The following UBXN2A variants were observed in gnomAD, a reference collection of about 807,000 sequenced individuals.
The protein encoded by UBXN2A is UBX domain-containing protein 2A.
In UBXN2A, 28 loss-of-function variants were observed where a neutral mutation model predicts 28.4. The observed-to-expected ratio is 0.99, with a 90% CI of 0.73 to 1.35. The LOEUF (loss-of-function observed/expected upper bound fraction) is 1.35, where lower values mean the gene tolerates loss of function less well. UBXN2A is among the 40% of genes most tolerant of loss of function. UBXN2A has a pLI of 0.00. For missense variants in UBXN2A, 253 were observed against 297.9 expected, an observed-to-expected ratio of 0.85 and a Z score of 1.11; for synonymous variants, 97 against 103.6, an observed-to-expected ratio of 0.94 and a Z score of 0.39.
chr2:23,987,798 A>C (rs973948670), intron 6 of UBXN2A, among the ~76,000 whole-genome samples: 2 of 151,100 alleles, frequency 1.3e-5, no homozygotes, highest in Non-Finnish European at 2.9e-5. Context: ...AAAACAAAAA[A>C]AACTTACAGA....
At chr2:23,932,445 A>T (rs1237965069) in intron 1 of UBXN2A, among the ~76,000 whole-genome samples, 1 of 152,012 alleles carries the variant, frequency 6.6e-6, no homozygotes, top group Admixed American at 6.5e-5. Flanking sequence ...AAAGCTAAGT[A>T]TGAGTGAATT....
At chr2:23,927,951 G>A (rs943713695) in intron 1 of UBXN2A, among the ~76,000 whole-genome samples, 3 of 152,076 alleles carry the variant, frequency 2.0e-5, no homozygotes, top group African/African-American at 7.2e-5. Flanking sequence ...CGGGGTGGGT[G>A]GATCACCTGA....
At chr2:23,965,116 A>G (rs1018529249) in intron 2 of UBXN2A, among the ~76,000 whole-genome samples, 3 of 152,258 alleles carry the variant, frequency 2.0e-5, no homozygotes, top group African/African-American at 7.2e-5. Context: ...CCTGGGCTCA[A>G]GGGGTCCTCC....
chr2:23,989,110 G>GCA (rs145810904), intron 6 of UBXN2A, among the ~76,000 whole-genome samples: 6 of 151,100 alleles, frequency 4.0e-5, no homozygotes, highest in East Asian at 1.9e-4. Context: ...GTGTGCACAC[G>GCA]CACACACACA....
chr2:23,931,755 G>T (rs935912556), intron 1 of UBXN2A, among the ~76,000 whole-genome samples: 2 of 152,188 alleles, frequency 1.3e-5, no homozygotes, highest in Non-Finnish European at 2.9e-5. Flanking sequence ...GCTCACACCT[G>T]TAATCCCAGA....
At chr2:23,991,629 C>T (rs1573607282) in intron 6 of UBXN2A, among the ~76,000 whole-genome samples, 1 of 151,838 alleles carries the variant, frequency 6.6e-6, no homozygotes, top group Non-Finnish European at 1.5e-5. Flanking sequence ...ATCACCACAC[C>T]TGGCTAATTT....
chr2:23,995,692 CAA>C (rs561322433), intron 6 of UBXN2A, among the ~76,000 whole-genome samples: 1 of 74,698 alleles, frequency 1.3e-5, no homozygotes, highest in African/African-American at 5.2e-5. Flanking sequence ...GACTCTGTCT[CAA>C]AAAAAAAAAA....
At chr2:23,997,709 G>C (rs1255636091) in intron 6 of UBXN2A, among the ~76,000 whole-genome samples, 1 of 151,942 alleles carries the variant, frequency 6.6e-6, no homozygotes, top group Non-Finnish European at 1.5e-5. Context: ...GCCTCCCAAA[G>C]TGCTGGGATT....
At chr2:23,985,044 C>T (rs1708069614) in intron 6 of UBXN2A, among the ~76,000 whole-genome samples, 1 of 152,002 alleles carries the variant, frequency 6.6e-6, no homozygotes, top group African/African-American at 2.4e-5. Flanking sequence ...AGAACTACAG[C>T]CACATGCCAC....
chr2:23,949,840 A>C (rs920567770), intron 1 of UBXN2A, among the ~76,000 whole-genome samples: 1 of 151,532 alleles, frequency 6.6e-6, no homozygotes, highest in Non-Finnish European at 1.5e-5. Context: ...TCACCACTGC[A>C]CTCTAGCCTG....
At chr2:23,942,238 T>A (rs1247568598) in intron 1 of UBXN2A, among the ~76,000 whole-genome samples, 1 of 152,012 alleles carries the variant, frequency 6.6e-6, no homozygotes, top group Non-Finnish European at 1.5e-5. Flanking sequence ...GCTTAGATAT[T>A]AGGGATAAAT....
chr2:23,930,656 C>A (rs1221358069), intron 1 of UBXN2A, among the ~76,000 whole-genome samples: 1 of 151,928 alleles, frequency 6.6e-6, no homozygotes, highest in Admixed American at 6.6e-5. Context: ...TTCAGGCATT[C>A]AAGACCAGCC....
upstream of UBXN2A, among the ~76,000 whole-genome samples, chr2:23,936,857 C>T (rs560429361): frequency 6.6e-6 from 1 of 150,900 alleles, no homozygotes; most frequent in African/African-American, 2.4e-5. Flanking sequence ...ATTACAGGTG[C>T]CTGCCACCAC....
At position 23,950,529 on chromosome 2, in the gene UBXN2A, G is replaced by C. The variant is rs538030974; in HGVS notation, c.-14-7772G>C. Among the ~76,000 whole-genome samples the C allele has an allele frequency of 8.6e-5, 13 of 151,736 alleles. No homozygotes were observed. The East Asian group carries it at 2.3e-3, about 27-fold the overall frequency. On this transcript the variant is annotated intron_variant, in intron 1 of 6. Coordinates refer to ENST00000309033, the MANE Select transcript of UBXN2A (RefSeq NM_181713.4). Reference sequence around the variant, plus strand: ...AGCAATTCTCCCACCTCAGCCTCTTGGTAGCTGGGATTACAGGCGCCCTCC... The same window carrying C: ...AGCAATTCTCCCACCTCAGCCTCTTCGTAGCTGGGATTACAGGCGCCCTCC...
chr2:23,970,258 T>G (rs1707357480), intron 2 of UBXN2A, among the ~76,000 whole-genome samples: 1 of 152,188 alleles, frequency 6.6e-6, no homozygotes, highest in Non-Finnish European at 1.5e-5. Context: ...CACTCCAGCC[T>G]GCACGACAGA....
intron 1 of UBXN2A, among the ~76,000 whole-genome samples, chr2:23,933,734 A>T (rs56348578): frequency 6.6e-6 from 1 of 151,964 alleles, no homozygotes; most frequent in Admixed American, 6.6e-5. Flanking sequence ...AAGAAAAAAA[A>T]CAAAAACAGA....
chr2:23,935,950 G>A (rs1410612490), upstream of UBXN2A, among the ~76,000 whole-genome samples: 1 of 152,114 alleles, frequency 6.6e-6, no homozygotes. Context: ...AGTCAGAAAA[G>A]CTGAGGTGAG....
chr2:23,982,851 A>G (rs757771095), intron 4 of UBXN2A, 45 bp from the exon 5 acceptor site: 4 of 1,541,282 alleles, frequency 2.6e-6, no homozygotes, highest in Non-Finnish European at 3.5e-6. Flanking sequence ...TCAGAGAAAT[A>G]AAATACATTG....
At chr2:23,939,039 A>G (rs1447184590), upstream of UBXN2A, among the ~76,000 whole-genome samples, 4 of 152,254 alleles carry the variant, frequency 2.6e-5, no homozygotes, top group African/African-American at 9.6e-5. Context: ...TGGTGGGGGG[A>G]ACGGCATGGG....
Sources: allele counts gnomAD v4.1 joint callset (sites outside exome capture counted in the v4.1 genomes callset), GRCh38; gene constraint gnomAD v4.1.1; transcripts MANE v1.5; gene names NCBI Gene and HGNC (gene_info 2026-07-23, HGNC 2026-07-21).